HS1BP3: variants seen among roughly 807,000 people sequenced by gnomAD.
The protein encoded by HS1BP3 is HCLS1-binding protein 3.
Under a neutral mutation model 33.5 loss-of-function variants are expected in HS1BP3, and 32 were observed. The observed-to-expected ratio is 0.95, with a 90% CI of 0.72 to 1.28. The LOEUF (loss-of-function observed/expected upper bound fraction) is 1.28, where lower values mean the gene tolerates loss of function less well. Among genes scored for constraint, HS1BP3 ranks in the 50% most tolerant of loss-of-function variants. The probability of loss-of-function intolerance (pLI) is 0.00; values close to 1 mark genes in which losing one functional copy is unlikely to be tolerated. For synonymous variants in HS1BP3, 187 were observed against 209.2 expected, an observed-to-expected ratio of 0.89 and a Z score of 0.92; for missense variants, 486 against 502.3, an observed-to-expected ratio of 0.97 and a Z score of 0.31.
chr2:20,566,269 G>A (rs978037385), intron 5 of HS1BP3, among the ~76,000 whole-genome samples: 1 of 152,234 alleles, frequency 6.6e-6, no homozygotes, highest in African/African-American at 2.4e-5. Context: ...CCTGTGCCGG[G>A]GTACAGCTCT....
chr2:20,593,668 C>T (rs891150098), intron 3 of HS1BP3, among the ~76,000 whole-genome samples: 1 of 152,230 alleles, frequency 6.6e-6, no homozygotes, highest in Admixed American at 6.5e-5. Flanking sequence ...CACCAGAGGC[C>T]CTTGACCCTT....
intron 5 of HS1BP3, among the ~76,000 whole-genome samples, chr2:20,573,805 A>G (rs1693331278): frequency 6.6e-6 from 1 of 152,224 alleles, no homozygotes; most frequent in African/African-American, 2.4e-5. Context: ...AGGACCATTC[A>G]TCGGTGCTGA....
chr2:20,601,427 A>T (rs1694065969), intron 2 of HS1BP3, among the ~76,000 whole-genome samples: 1 of 152,184 alleles, frequency 6.6e-6, no homozygotes, highest in Admixed American at 6.5e-5. Flanking sequence ...CGCAGATCTG[A>T]GTGAGGGTTT....
chr2:20,577,407 G>A (rs1259412511), intron 5 of HS1BP3, among the ~76,000 whole-genome samples: 8 of 152,130 alleles, frequency 5.3e-5, no homozygotes, highest in Admixed American at 1.3e-4. Flanking sequence ...GATTCTTGGG[G>A]TTGTTTTACC....
intron 5 of HS1BP3, among the ~76,000 whole-genome samples, chr2:20,561,845 G>A (rs1474574484): frequency 6.6e-6 from 1 of 152,156 alleles, no homozygotes; most frequent in Non-Finnish European, 1.5e-5. Context: ...CCCCTGCATA[G>A]CTTCAGGATG....
chr2:20,622,862 G>A (rs1694649940), intron 6 of HS1BP3: 1 of 157,074 alleles, frequency 6.4e-6, no homozygotes, highest in African/African-American at 2.4e-5. Context: ...AGGGGCCTTG[G>A]GGACATGTAA....
chr2:20,565,291 G>A (rs780607577), intron 5 of HS1BP3, among the ~76,000 whole-genome samples: 44 of 152,124 alleles, frequency 2.9e-4, no homozygotes, highest in Non-Finnish European at 4.0e-4. Context: ...AGCAGCCCCC[G>A]TGTCGCCCAC....
downstream of HS1BP3, among the ~76,000 whole-genome samples, chr2:20,557,381 C>T (rs1692865667): frequency 6.6e-6 from 1 of 152,190 alleles, no homozygotes; most frequent in Non-Finnish European, 1.5e-5. Context: ...GCTGGGCCTC[C>T]TGGCTTGACC....
rs549433520 is a variant in HS1BP3 at position 20,603,860 on chromosome 2, C to T, written c.179-5595G>A. On this transcript the variant is annotated intron_variant, in intron 2 of 3. Transcript: ENST00000415264. ...GCCCTCCAGAGATGGGTTCTAACTC[C>T]GGCTCAGCCGCTTCCCAGCTATGTA... Among the ~76,000 whole-genome samples, 7 of 152,354 alleles carry T rather than the reference C, an allele frequency of 4.6e-5. No individual in the cohort carries two copies. In the East Asian group the frequency reaches 5.8e-4, roughly 13 times the overall value.
chr2:20,614,625 A>G, downstream of HS1BP3, among the ~76,000 whole-genome samples: 1 of 151,546 alleles, frequency 6.6e-6, no homozygotes, highest in Admixed American at 6.6e-5. Context: ...TTACGTGCTT[A>G]GTGTTTATGG....
At chr2:20,636,728 T>TACCA (rs1695142219) in intron 4 of HS1BP3, 1 of 152,254 alleles carries the variant, frequency 6.6e-6, no homozygotes, top group Non-Finnish European at 1.5e-5. Context: ...GGTCATGGCG[T>TACCA]ACCATATAGT....
At chr2:20,624,307 A>G (rs1182386068) in intron 5 of HS1BP3, among the ~76,000 whole-genome samples, 2 of 152,164 alleles carry the variant, frequency 1.3e-5, no homozygotes, top group Non-Finnish European at 2.9e-5. Context: ...GGGCTCACCA[A>G]GTATGGGCTG....
At chr2:20,587,874 T>C (rs369538609), downstream of HS1BP3, among the ~76,000 whole-genome samples, 1 of 152,232 alleles carries the variant, frequency 6.6e-6, no homozygotes, top group East Asian at 1.9e-4. Context: ...GGGGATGTCA[T>C]GCATGGGCAG....
rs1553317640 is a variant in HS1BP3 at position 20,599,649 on chromosome 2, C to CACACAT, written c.179-1385_179-1384insATGTGT. ...ACACACACACACACACACACACACA[C>CACACAT]TCTGTTTTTTTTTTTTTAAAGATCT... On this transcript the variant is annotated intron_variant, in intron 2 of 3. Coordinates refer to the HS1BP3 transcript ENST00000415264. Among the ~76,000 whole-genome samples the CACACAT allele has an allele frequency of 2.6e-4, 36 of 138,920 alleles. 1 individual carries two copies. The highest frequency in any genetic ancestry group is 5.3e-4 in the African/African-American group (17 of 32,194). 91.1% of individuals were successfully genotyped at this position (138,920 alleles called of 152,430 possible).
chr2:20,570,297 A>G (rs533187487), intron 5 of HS1BP3, among the ~76,000 whole-genome samples: 16 of 152,310 alleles, frequency 1.1e-4, no homozygotes, highest in African/African-American at 3.8e-4. Flanking sequence ...ATAGAATGCT[A>G]GAGCAGGGAA....
chr2:20,628,634 C>CAAA (rs113028995), intron 4 of HS1BP3, among the ~76,000 whole-genome samples: 1 of 137,664 alleles, frequency 7.3e-6, no homozygotes. Context: ...GACTTTGTCT[C>CAAA]AAAAAAAAAA....
rs139031452 is a variant in HS1BP3 at position 20,585,315 on chromosome 2, C to G, written c.303-24800G>C. ...CCTTTACATAGTGTGGCCATATGCC[C>G]CCATTTGCCTGGGACAATCCTGGGT... On this transcript the variant is annotated intron_variant, in intron 5 of 5. Transcript: ENST00000446825. 3.3e-3 allele frequency among the ~76,000 whole-genome samples: 502 copies of G among 152,332 alleles called. 3 individuals are homozygous for G. The highest frequency in any genetic ancestry group is 0.011 in the African/African-American group (472 of 41,572).
intron 5 of HS1BP3, among the ~76,000 whole-genome samples, chr2:20,565,835 C>T (rs1693112890): frequency 6.6e-6 from 1 of 152,232 alleles, no homozygotes; most frequent in South Asian, 2.1e-4. Context: ...CGGAGCCCTG[C>T]TGGAGCCTGC....
At chr2:20,571,375 T>A (rs1425184562) in intron 5 of HS1BP3, among the ~76,000 whole-genome samples, 2 of 152,132 alleles carry the variant, frequency 1.3e-5, no homozygotes, top group East Asian at 3.9e-4. Flanking sequence ...GGCCACCCCA[T>A]GCACCTCCAG....
Sources: allele counts gnomAD v4.1 joint callset (sites outside exome capture counted in the v4.1 genomes callset), GRCh38; gene constraint gnomAD v4.1.1; transcripts MANE v1.5; gene names NCBI Gene and HGNC (gene_info 2026-07-23, HGNC 2026-07-21).